Variants in NXN observed in about 807,000 individuals in gnomAD.
The protein encoded by NXN is nucleoredoxin.
A neutral mutation model predicts 48.6 loss-of-function variants in NXN; 16 were observed. The observed-to-expected ratio is 0.33, with a 90% CI of 0.22 to 0.50. The LOEUF (loss-of-function observed/expected upper bound fraction) is 0.50, where lower values mean the gene tolerates loss of function less well. Among genes scored for constraint, NXN ranks in the 20% least tolerant of loss-of-function variants. The probability of loss-of-function intolerance (pLI) is 0.98; values close to 1 mark genes in which losing one functional copy is unlikely to be tolerated. For missense variants in NXN, 492 were observed against 605.5 expected, an observed-to-expected ratio of 0.81 and a Z score of 1.97; for synonymous variants, 281 against 269.6, an observed-to-expected ratio of 1.04 and a Z score of -0.41.
rs1012922572 is a variant in NXN at position 919,306 on chromosome 17, T to C, written c.360+60013A>G. Among the ~76,000 whole-genome samples, 2 of 152,054 alleles carry C rather than the reference T, an allele frequency of 1.3e-5. No homozygotes were observed. Among genetic ancestry groups the C allele is most frequent in the Middle Eastern group, 3.2e-3 (1 of 316 alleles). ...TGAACTAGGGAGGCAGAGGTTGCAG[T>C]GAGCCGAGATTGTGCCACTGTACTC... On this transcript the variant is annotated intron_variant, in intron 1 of 7. Transcript: ENST00000336868. This position sits in a 1 kb window ranked among gnomAD's most constrained non-coding sequence, Gnocchi z 5.1.
intron 7 of NXN, among the ~76,000 whole-genome samples, chr17:803,196 G>C (rs1043790824): frequency 2.6e-5 from 4 of 152,208 alleles, no homozygotes; most frequent in Non-Finnish European, 5.9e-5. Context: ...CAGCCTGGGT[G>C]AAACAGACGG....
At chr17:862,347 C>T (rs1465613601) in intron 1 of NXN, among the ~76,000 whole-genome samples, 1 of 152,156 alleles carries the variant, frequency 6.6e-6, no homozygotes, top group Non-Finnish European at 1.5e-5. Flanking sequence ...AAGACCCCAT[C>T]TCAAAAACAT....
intron 5 of NXN, among the ~76,000 whole-genome samples, chr17:812,065 C>T (rs1486357843): frequency 1.3e-5 from 2 of 151,130 alleles, no homozygotes; most frequent in African/African-American, 2.4e-5. Context: ...GTAGCTGGGA[C>T]TACAGGCGCC....
intron 1 of NXN, among the ~76,000 whole-genome samples, chr17:888,069 C>G (rs1437130632): frequency 6.6e-6 from 1 of 152,138 alleles, no homozygotes; most frequent in Non-Finnish European, 1.5e-5. Context: ...CCTGTCTCCT[C>G]AACTTGGGTT....
chr17:892,559 G>T (rs778159978), intron 1 of NXN, among the ~76,000 whole-genome samples: 1 of 142,184 alleles, frequency 7.0e-6, no homozygotes, highest in African/African-American at 2.5e-5. Flanking sequence ...ACTCACAAAC[G>T]CACCTGGCAA....
intron 5 of NXN, among the ~76,000 whole-genome samples, chr17:810,501 G>A (rs537197924): frequency 6.6e-6 from 1 of 152,322 alleles, no homozygotes; most frequent in Admixed American, 6.5e-5. Context: ...GGTGAGATGG[G>A]ATGACAAACA....
At chr17:815,674 C>T (rs1384105145) in intron 5 of NXN, among the ~76,000 whole-genome samples, 1 of 152,132 alleles carries the variant, frequency 6.6e-6, no homozygotes, top group African/African-American at 2.4e-5. Context: ...GACATCCATC[C>T]GTACAATGAG....
At chr17:823,416 G>C (rs1267415631) in intron 3 of NXN, among the ~76,000 whole-genome samples, 1 of 150,526 alleles carries the variant, frequency 6.6e-6, no homozygotes, top group Non-Finnish European at 1.5e-5. Flanking sequence ...AAAAAAAGAG[G>C]GCTATCGTTA....
chr17:811,404 G>A (rs372486748), intron 5 of NXN, among the ~76,000 whole-genome samples: 62 of 152,358 alleles, frequency 4.1e-4, no homozygotes, highest in African/African-American at 1.4e-3. Flanking sequence ...AACTGCTAAC[G>A]GGGTCTGTCT....
Position 895,224 on chromosome 17 carries a change from C to T in NXN, c.361-69146G>A, listed in dbSNP as rs138934489. On this transcript the variant is annotated intron_variant, in intron 1 of 7. Transcript: ENST00000336868. ...TAGAGACGGGGCTTCACCATGTTGG[C>T]CAGGCTAGTCTTGAACTCCTGACCT... 3.7e-3 allele frequency among the ~76,000 whole-genome samples: 554 copies of T among 150,726 alleles called. 5 individuals are homozygous for T. Among genetic ancestry groups the T allele is most frequent in the African/African-American group, 0.012 (505 of 40,864 alleles).
At chr17:901,330 A>G (rs2068535998) in intron 1 of NXN, among the ~76,000 whole-genome samples, 1 of 152,208 alleles carries the variant, frequency 6.6e-6, no homozygotes, top group African/African-American at 2.4e-5. Context: ...GAAATGGAAT[A>G]ACAGTATCTG....
At chr17:823,400 GAA>G (rs60674309) in intron 3 of NXN, among the ~76,000 whole-genome samples, 1 of 142,482 alleles carries the variant, frequency 7.0e-6, no homozygotes, top group Non-Finnish European at 1.5e-5. Flanking sequence ...CTCTGGCTCA[GAA>G]AAAAAAAAAA....
At chr17:852,487 T>C (rs183302463) in intron 1 of NXN, among the ~76,000 whole-genome samples, 22 of 152,272 alleles carry the variant, frequency 1.4e-4, no homozygotes, top group Admixed American at 5.9e-4. Context: ...GACTTGCCTC[T>C]GAATGTCCAT....
intron 1 of NXN, among the ~76,000 whole-genome samples, chr17:898,455 T>C (rs1357541394): frequency 2.4e-5 from 1 of 42,026 alleles, no homozygotes. Flanking sequence ...TGAGGCCAGG[T>C]GTAATGTCTC....
chr17:866,110 T>C (rs2068093170), intron 1 of NXN, among the ~76,000 whole-genome samples: 2 of 152,176 alleles, frequency 1.3e-5, no homozygotes, highest in African/African-American at 4.8e-5. Flanking sequence ...CTCTATATAT[T>C]CAATAGAATA....
chr17:834,263 G>A (rs529808452), intron 1 of NXN, among the ~76,000 whole-genome samples: 21 of 152,282 alleles, frequency 1.4e-4, no homozygotes, highest in South Asian at 4.1e-4. Flanking sequence ...TCAAGGCTAC[G>A]ATGAGCTGTG....
intron 1 of NXN, among the ~76,000 whole-genome samples, chr17:973,850 T>C (rs2069421717): frequency 6.6e-6 from 1 of 151,578 alleles, no homozygotes; most frequent in African/African-American, 2.4e-5. Context: ...TGGTTAATTT[T>C]GTATTTTTAG....
intron 1 of NXN, among the ~76,000 whole-genome samples, chr17:959,837 A>C (rs2069216155): frequency 6.6e-6 from 1 of 151,090 alleles, no homozygotes; most frequent in Non-Finnish European, 1.5e-5. Context: ...TCATGCCTGT[A>C]ATCCCAGCAC....
At chr17:808,115 G>A (rs958724578) in intron 5 of NXN, among the ~76,000 whole-genome samples, 3 of 152,146 alleles carry the variant, frequency 2.0e-5, no homozygotes, top group Non-Finnish European at 2.9e-5. Context: ...CGCTTCTGGG[G>A]TCCTCACAGC....
Sources: gnomAD v4.1 joint callset for allele counts (sites outside exome capture counted in the v4.1 genomes callset) on GRCh38, gnomAD v4.1.1 for gene constraint, Gnocchi (gnomAD v3.1) non-coding constraint, MANE v1.5 for transcripts, NCBI Gene and HGNC (gene_info 2026-07-23, HGNC 2026-07-21) for gene names.